The following GPC6 variants were observed in gnomAD, a reference collection of about 807,000 sequenced individuals.
The protein encoded by GPC6 is glypican 6.
Under a neutral mutation model 55.2 loss-of-function variants are expected in GPC6, and 14 were observed. The ratio of observed to expected loss-of-function variants is 0.25; its 90% confidence interval spans 0.17 to 0.40. The LOEUF (loss-of-function observed/expected upper bound fraction) is 0.40. Among genes scored for constraint, GPC6 ranks in the 10% least tolerant of loss-of-function variants. The pLI is 1.00. For missense variants in GPC6, 641 were observed against 708.5 expected (o/e 0.90, Z 1.08); for synonymous variants, 278 against 259.6 (o/e 1.07, Z -0.68).
chr13:93,327,857 A>C (rs1320976585), intron 1 of GPC6, among the ~76,000 whole-genome samples: 1 of 152,056 alleles, frequency 6.6e-6, no homozygotes, highest in Non-Finnish European at 1.5e-5. Flanking sequence ...AAGCCTTCTA[A>C]ATTTTCAGAC....
At chr13:93,231,692 A>G (rs1308870362) in intron 1 of GPC6, among the ~76,000 whole-genome samples, 1 of 151,958 alleles carries the variant, frequency 6.6e-6, no homozygotes, top group Non-Finnish European at 1.5e-5. Context: ...TTCTTTCAGT[A>G]TACTAGGCCT....
At chr13:93,943,932 A>G (rs1338579099) in intron 3 of GPC6, among the ~76,000 whole-genome samples, 1 of 152,172 alleles carries the variant, frequency 6.6e-6, no homozygotes, top group Non-Finnish European at 1.5e-5. Context: ...TGAATGGTGC[A>G]TGATTTTTTT....
chr13:94,084,493 T>A (rs1308974438), intron 4 of GPC6, among the ~76,000 whole-genome samples: 1 of 152,202 alleles, frequency 6.6e-6, no homozygotes, highest in East Asian at 1.9e-4. Context: ...TGAATTTATA[T>A]CCCCAGGTGG....
chr13:94,079,780 T>A (rs543137392), intron 4 of GPC6, among the ~76,000 whole-genome samples: 1 of 152,338 alleles, frequency 6.6e-6, no homozygotes, highest in African/African-American at 2.4e-5. Context: ...GTGCAATTAT[T>A]TCTTTGTGTC....
At chr13:94,194,712 C>T (rs1566528428) in intron 4 of GPC6, among the ~76,000 whole-genome samples, 1 of 152,018 alleles carries the variant, frequency 6.6e-6, no homozygotes, top group East Asian at 1.9e-4. Flanking sequence ...AGAACTTAGT[C>T]ATGTAACCAA....
At chr13:93,422,221 C>T (rs1263290543) in intron 1 of GPC6, among the ~76,000 whole-genome samples, 1 of 152,112 alleles carries the variant, frequency 6.6e-6, no homozygotes, top group African/African-American at 2.4e-5. Flanking sequence ...ATGGAAAAGT[C>T]TTCTAAGCAA....
At chr13:93,995,024 G>T (rs1021903398) in intron 3 of GPC6, among the ~76,000 whole-genome samples, 27 of 151,984 alleles carry the variant, frequency 1.8e-4, no homozygotes, top group Admixed American at 2.6e-4. Context: ...CCTGATTTCA[G>T]TTTGTTAGAA....
chr13:93,802,044 A>G (rs1166443747), intron 2 of GPC6, among the ~76,000 whole-genome samples: 2 of 152,172 alleles, frequency 1.3e-5, no homozygotes, highest in African/African-American at 4.8e-5. Flanking sequence ...TTGAGTAGGT[A>G]TTTAAGAGAT....
At chr13:93,703,749 G>T (rs1243964144) in intron 2 of GPC6, among the ~76,000 whole-genome samples, 1 of 151,914 alleles carries the variant, frequency 6.6e-6, no homozygotes, top group Non-Finnish European at 1.5e-5. Flanking sequence ...TTTGAAGTTT[G>T]GGGGAGGAGT....
chr13:94,019,160 G>A (rs1424694218), intron 3 of GPC6, among the ~76,000 whole-genome samples: 2 of 152,104 alleles, frequency 1.3e-5, no homozygotes, highest in East Asian at 1.9e-4. Flanking sequence ...TTAATGTTTG[G>A]TAGAATTTAC....
At chr13:94,002,758 A>G (rs983177133) in intron 3 of GPC6, among the ~76,000 whole-genome samples, 11 of 152,168 alleles carry the variant, frequency 7.2e-5, no homozygotes, top group Non-Finnish European at 2.9e-5. Flanking sequence ...TTTGCCTATA[A>G]TTAGTGGCAG....
intron 6 of GPC6, among the ~76,000 whole-genome samples, chr13:94,354,131 T>A (rs951106734): frequency 2.6e-5 from 4 of 152,214 alleles, no homozygotes; most frequent in Non-Finnish European, 4.4e-5. Context: ...AGGCATCTTG[T>A]ACAGAATAAC....
At chr13:93,295,290 C>CAAAAAA (rs67379652) in intron 1 of GPC6, among the ~76,000 whole-genome samples, 2 of 66,684 alleles carry the variant, frequency 3.0e-5, no homozygotes, top group Non-Finnish European at 5.1e-5. Flanking sequence ...GACCCTGTCT[C>CAAAAAA]AAAAAAAAAA....
chr13:93,518,614 A>G (rs1881295723), intron 1 of GPC6, among the ~76,000 whole-genome samples: 1 of 152,064 alleles, frequency 6.6e-6, no homozygotes, highest in Non-Finnish European at 1.5e-5. Context: ...ATAGTGAGCT[A>G]CAAAATAATG....
chr13:93,255,521 T>C (rs1321785019), intron 1 of GPC6, among the ~76,000 whole-genome samples: 7 of 152,202 alleles, frequency 4.6e-5, no homozygotes, highest in Non-Finnish European at 8.8e-5. Context: ...GTGTTTGGGT[T>C]TTTTTCCCCC....
chr13:93,693,461 C>CTGTGTGTGTGTGTGTGTGTGTG (rs35459356), intron 2 of GPC6, among the ~76,000 whole-genome samples: 16 of 139,342 alleles, frequency 1.1e-4, no homozygotes, highest in South Asian at 2.4e-4. Flanking sequence ...GTATGTATAT[C>CTGTGTGTGTGTGTGTGTGTGTG]TGTGTGTGTG....
intron 3 of GPC6, among the ~76,000 whole-genome samples, chr13:94,019,206 C>T (rs963236000): frequency 7.2e-5 from 11 of 152,030 alleles, no homozygotes; most frequent in Non-Finnish European, 1.3e-4. Context: ...TTTCTTTGTC[C>T]GGAGGTGTTT....
At chr13:93,591,272 G>A (rs1328692392) in intron 2 of GPC6, among the ~76,000 whole-genome samples, 1 of 151,880 alleles carries the variant, frequency 6.6e-6, no homozygotes, top group Non-Finnish European at 1.5e-5. Context: ...GCCCATCCTG[G>A]CTAACAAGGT....
intron 2 of GPC6, among the ~76,000 whole-genome samples, chr13:93,568,035 G>A (rs1207392575): frequency 6.6e-6 from 1 of 152,160 alleles, no homozygotes; most frequent in African/African-American, 2.4e-5. Flanking sequence ...TAGGTGGTAT[G>A]GTTTAGTTCA....
Sources: gnomAD v4.1 joint callset for allele counts (sites outside exome capture counted in the v4.1 genomes callset) on GRCh38, gnomAD v4.1.1 for gene constraint, MANE v1.5 for transcripts, NCBI Gene and HGNC (gene_info 2026-07-23, HGNC 2026-07-21) for gene names.